The following MEI1 variants were observed in gnomAD, a reference collection of about 807,000 sequenced individuals.
The protein encoded by MEI1 is meiosis inhibitor protein 1.
MEI1 carries 103 observed loss-of-function variants against 146.2 expected under a neutral mutation model. That is an observed-to-expected ratio of 0.70 (90% CI 0.60 to 0.83). MEI1 has a LOEUF of 0.83. Ranked by LOEUF, MEI1 falls within the 40% of genes least tolerant of loss-of-function variation. MEI1 has a pLI of 0.00. For missense variants in MEI1, 1,529 were observed against 1,533.0 expected, an observed-to-expected ratio of 1.00 and a Z score of 0.04; for synonymous variants, 652 against 628.2, an observed-to-expected ratio of 1.04 and a Z score of -0.57.
chr22:41,740,522 G>A (rs541961773), intron 11 of MEI1, among the ~76,000 whole-genome samples: 3 of 151,962 alleles, frequency 2.0e-5, no homozygotes, highest in Non-Finnish European at 2.9e-5. Flanking sequence ...CTGGAGGATC[G>A]CTTCAGCTCA....
At chr22:41,776,760 A>T (rs918886434) in intron 21 of MEI1, among the ~76,000 whole-genome samples, 17 of 150,810 alleles carry the variant, frequency 1.1e-4, no homozygotes, top group African/African-American at 4.2e-4. Context: ...GACACTGAAA[A>T]TTTGGATTGG....
At chr22:41,709,538 C>A in intron 3 of MEI1, 1 of 554,602 alleles carries the variant, frequency 1.8e-6, no homozygotes, top group Non-Finnish European at 3.4e-6. Context: ...CGGGATGCAG[C>A]GGCACACGGG....
At chr22:41,717,105 A>G (rs1174929280) in intron 5 of MEI1, among the ~76,000 whole-genome samples, 2 of 152,106 alleles carry the variant, frequency 1.3e-5, no homozygotes, top group Non-Finnish European at 2.9e-5. Context: ...GCAAATAAAT[A>G]TCTCCCAGAG....
intron 30 of MEI1, 49 bp from the exon 31 acceptor site, chr22:41,799,205 A>G (rs768096471): frequency 6.3e-7 from 1 of 1,591,080 alleles, no homozygotes; most frequent in Non-Finnish European, 8.6e-7. Context: ...TGATGCCCCC[A>G]TGGTTGGCCC....
intron 3 of MEI1, among the ~76,000 whole-genome samples, chr22:41,712,702 G>GTGTGTGTGTGTGTGT (rs3045420): frequency 6.7e-6 from 1 of 149,690 alleles, no homozygotes. Context: ...GTGTGTGTGT[G>GTGTGTGTGTGTGTGT]GAGCAATATA....
chr22:41,737,382 G>A (rs528304404), intron 11 of MEI1, among the ~76,000 whole-genome samples: 6 of 151,958 alleles, frequency 3.9e-5, no homozygotes, highest in East Asian at 3.9e-4. Context: ...GACTACAGGC[G>A]CCCACCACCA....
intron 6 of MEI1, among the ~76,000 whole-genome samples, chr22:41,723,197 A>T (rs566049382): frequency 6.9e-6 from 1 of 144,058 alleles, no homozygotes; most frequent in African/African-American, 2.7e-5. Context: ...TCACAATTAT[A>T]AGGGTCATTT....
At chr22:41,764,918 G>A (rs1055721609) in intron 19 of MEI1, among the ~76,000 whole-genome samples, 6 of 152,202 alleles carry the variant, frequency 3.9e-5, no homozygotes, top group African/African-American at 1.4e-4. Context: ...GTGACCTAGA[G>A]AAAGTTACTT....
rs1490801907 is a variant in MEI1, at chr22:41,795,816, T to A, written c.3748T>A (p.Ser1250Thr). The change falls in exon 30 of 31, where the codon TCC becomes ACC. Residue 1250 changes from serine (S) to threonine (T), a missense_variant. Transcript: ENST00000401548. The surrounding 1 kb of genome is among the most constrained non-coding windows in gnomAD (Gnocchi z 4.2). ...ASLEGLPPST[S>T]SGQPPLQDML... ...CTTGGAGGGCCTTCCCCCTAGCACC[T>A]CCTCAGGCCAGCCACCCCTGCAGGA... is the stretch of plus-strand genomic sequence containing the variant. 1.2e-6 allele frequency: 2 copies of A among 1,613,628 alleles called. No individual in the cohort carries two copies. The highest frequency in any genetic ancestry group is 8.5e-7 in the Non-Finnish European group (1 of 1,179,754).
At chr22:41,769,733 A>G (rs1336692163) in intron 19 of MEI1, among the ~76,000 whole-genome samples, 3 of 151,584 alleles carry the variant, frequency 2.0e-5, no homozygotes, top group African/African-American at 7.3e-5. Context: ...CAGCCTCCCA[A>G]AGTGCTGGGA....
chr22:41,724,157 C>T (rs987868655), intron 7 of MEI1, 84 bp downstream of exon 7: 2 of 1,502,222 alleles, frequency 1.3e-6, no homozygotes, highest in Non-Finnish European at 1.8e-6. Flanking sequence ...ATCTACCACT[C>T]CTATCTCAGA....
chr22:41,729,605 C>T, intron 7 of MEI1, 60 bp from the exon 8 acceptor site: 1 of 1,087,524 alleles, frequency 9.2e-7, no homozygotes, highest in South Asian at 1.3e-5. Context: ...GCACCTAGGC[C>T]AGTTTTTCTG....
In MEI1 at chr22:41,795,538, A is replaced by G; in HGVS notation, c.3662A>G (p.Gln1221Arg). 1 of 1,613,770 alleles carries G rather than the reference A, an allele frequency of 6.2e-7. No individual in the cohort carries two copies. The highest frequency in any genetic ancestry group is 2.2e-5 in the East Asian group (1 of 44,836). The change falls in exon 29 of 31, where the codon CAG (glutamine) becomes CGG (arginine). Residue 1221 changes from glutamine (Q) to arginine (R), a missense_variant. Gln to Arg is a conservative substitution (Grantham distance 43). Around this residue, in one of 3 missense-constraint regions of MEI1, gnomAD observed 313 missense variants for 337.3 expected, o/e 0.93. Coordinates refer to ENST00000401548, the MANE Select transcript of MEI1 (RefSeq NM_152513.4). The surrounding 1 kb of genome is among the most constrained non-coding windows in gnomAD (Gnocchi z 4.2). The part of the protein sequence containing the change: ...TTLQALHGFF[Q>R]QLQSMGHLAD... ...CTCCAGGCCCTGCATGGCTTCTTCC[A>G]GCAGGTGGGTGGGAAGGGGAGGCCA...
Position 41,784,420 on chromosome 22 carries a change from G to T in MEI1, c.3169G>T (p.Ala1057Ser), listed in dbSNP as rs1454943511. 1.9e-6 allele frequency: 3 copies of T among 1,613,892 alleles called. No individual in the cohort carries two copies. Among genetic ancestry groups the T allele is most frequent in the Admixed American group, 3.3e-5 (2 of 60,016 alleles). ...AAAGAAAAAGGCTGCACTACTCTCAGGTATGGGTCCACAAGTCTCCAGCAG... is the reference window on the plus strand; with the variant it reads ...AAAGAAAAAGGCTGCACTACTCTCATGTATGGGTCCACAAGTCTCCAGCAG... ...FPKKKAALLS[A>S]AILCFLRTAL... The change falls in exon 25 of 31, where the codon GCT becomes TCT. Residue 1057 changes from alanine to serine, a missense_variant and splice_region_variant. Ala to Ser is a moderately conservative substitution (Grantham distance 99). Transcript: ENST00000401548.
intron 20 of MEI1, among the ~76,000 whole-genome samples, chr22:41,775,188 A>G (rs972738772): frequency 2.6e-5 from 4 of 152,220 alleles, no homozygotes; most frequent in African/African-American, 9.6e-5. Flanking sequence ...CTGAAAGCAA[A>G]ATAAAAAGCA....
At chr22:41,771,512 T>C (rs1217913253) in intron 20 of MEI1, among the ~76,000 whole-genome samples, 1 of 152,160 alleles carries the variant, frequency 6.6e-6, no homozygotes, top group African/African-American at 2.4e-5. Flanking sequence ...CTGGGCTCAC[T>C]GCAACCTCCA....
rs532004218 is a variant in MEI1, at chr22:41,705,360, G to A, written c.299-144G>A. On this transcript the variant is annotated intron_variant, in intron 2 of 30. Coordinates refer to ENST00000401548, the MANE Select transcript of MEI1 (RefSeq NM_152513.4). Reference sequence around the variant, plus strand: ...CTAATTTTTGTGTTTTTAGTAGAGAGAGGGTTTCGCCATATTGGTCAGGCT... The same window carrying A: ...CTAATTTTTGTGTTTTTAGTAGAGAAAGGGTTTCGCCATATTGGTCAGGCT... 1.7e-5 allele frequency: 12 copies of A among 700,012 alleles called. No homozygotes were observed. In the Admixed American group the frequency reaches 2.3e-4, roughly 14 times the overall value. The allele number at this position is 700,012 out of a possible 1,614,324, so 43.4% of individuals were successfully genotyped here. A position where few individuals can be genotyped will look rare whatever the true frequency, so the allele number is the denominator to read the frequency against.
chr22:41,772,237 T>A (rs1163322685), intron 20 of MEI1, among the ~76,000 whole-genome samples: 2 of 152,170 alleles, frequency 1.3e-5, no homozygotes, highest in Admixed American at 6.5e-5. Flanking sequence ...TATTTTTATT[T>A]TTTTTCTTTT....
intron 1 of MEI1, among the ~76,000 whole-genome samples, chr22:41,700,169 T>A (rs2068588558): frequency 6.6e-6 from 1 of 152,192 alleles, no homozygotes; most frequent in African/African-American, 2.4e-5. Flanking sequence ...TCCCTTCAGC[T>A]GTCGGGGTGT....
Sources: gnomAD v4.1 joint callset for allele counts (sites outside exome capture counted in the v4.1 genomes callset) on GRCh38, gnomAD v4.1.1 for gene constraint, gnomAD v4.1.1 regional missense constraint, Gnocchi (gnomAD v3.1) non-coding constraint, MANE v1.5 for transcripts, NCBI Gene and HGNC (gene_info 2026-07-23, HGNC 2026-07-21) for gene names.